HORMAD2: variants seen among roughly 807,000 people sequenced by gnomAD.
The protein encoded by HORMAD2 is HORMA domain-containing protein 2.
A neutral mutation model predicts 38.8 loss-of-function variants in HORMAD2; 45 were observed. The observed-to-expected ratio is 1.16, with a 90% CI of 0.91 to 1.49. The LOEUF (loss-of-function observed/expected upper bound fraction) is 1.49. Ranked by LOEUF, HORMAD2 falls within the 40% of genes most tolerant of loss-of-function variation. HORMAD2 has a pLI of 0.00. For synonymous variants in HORMAD2, 126 were observed against 122.8 expected, an observed-to-expected ratio of 1.03 and a Z score of -0.17; for missense variants, 338 against 367.0, an observed-to-expected ratio of 0.92 and a Z score of 0.65.
At chr22:30,197,833 G>C in the HORMAD2 span, among the ~76,000 whole-genome samples, 4 of 152,124 alleles carry the variant, frequency 2.6e-5, no homozygotes, top group South Asian at 8.3e-4. Flanking sequence ...GTCTAAGGTT[G>C]AATTCCCATC....
At chr22:30,178,275 T>C (rs548375075), downstream of HORMAD2, among the ~76,000 whole-genome samples, 1 of 152,356 alleles carries the variant, frequency 6.6e-6, no homozygotes, top group South Asian at 2.1e-4. Flanking sequence ...TGAATCTATC[T>C]AGAAAATTTC....
At chr22:30,206,162 T>A in the HORMAD2 span, among the ~76,000 whole-genome samples, 7 of 149,248 alleles carry the variant, frequency 4.7e-5, no homozygotes, top group Non-Finnish European at 7.4e-5. Context: ...ACCCAGAGAG[T>A]TTTTTGTTTT....
intron 10 of HORMAD2, among the ~76,000 whole-genome samples, chr22:30,166,478 A>G (rs909315771): frequency 2.0e-5 from 3 of 152,242 alleles, no homozygotes; most frequent in Non-Finnish European, 4.4e-5. Context: ...AAATGGCCAC[A>G]TGTAGCTAAT....
At chr22:30,081,265 A>G (rs2146044860) in intron 1 of HORMAD2, 1 of 152,336 alleles carries the variant, frequency 6.6e-6, no homozygotes, top group Non-Finnish European at 1.5e-5. Context: ...TGAGGTAGGA[A>G]CAGTATTTTA....
intron 10 of HORMAD2, among the ~76,000 whole-genome samples, chr22:30,155,627 C>T (rs964376922): frequency 1.2e-4 from 18 of 151,870 alleles, no homozygotes; most frequent in Admixed American, 2.0e-4. Flanking sequence ...TCTCAGTGGA[C>T]AGAACTAGAG....
the HORMAD2 span, among the ~76,000 whole-genome samples, chr22:30,202,088 G>T: frequency 6.6e-6 from 1 of 152,124 alleles, no homozygotes; most frequent in Non-Finnish European, 1.5e-5. Flanking sequence ...ATTTACTAAG[G>T]GCAGTGAACT....
chr22:30,200,249 A>T, the HORMAD2 span, among the ~76,000 whole-genome samples: 3 of 152,148 alleles, frequency 2.0e-5, no homozygotes, highest in African/African-American at 7.2e-5. Context: ...AAAATCAGTG[A>T]ATCTCACTGG....
At chr22:30,148,030 A>G (rs543696687) in intron 10 of HORMAD2, among the ~76,000 whole-genome samples, 2 of 152,346 alleles carry the variant, frequency 1.3e-5, no homozygotes, top group African/African-American at 4.8e-5. Context: ...TCACAAAAAG[A>G]CCTGTACATT....
At chr22:30,088,276 CAT>C (rs911707560) in intron 1 of HORMAD2, among the ~76,000 whole-genome samples, 6 of 150,254 alleles carry the variant, frequency 4.0e-5, no homozygotes, top group Admixed American at 6.7e-5. Context: ...TATATACACA[CAT>C]ATATACATAC....
the HORMAD2 span, among the ~76,000 whole-genome samples, chr22:30,182,368 G>A: frequency 6.6e-6 from 1 of 152,190 alleles, no homozygotes; most frequent in Non-Finnish European, 1.5e-5. Context: ...CACTTCTACA[G>A]CTTTTTACGT....
At chr22:30,194,408 G>A in the HORMAD2 span, among the ~76,000 whole-genome samples, 1 of 152,220 alleles carries the variant, frequency 6.6e-6, no homozygotes, top group Non-Finnish European at 1.5e-5. Context: ...AATTGAAGAA[G>A]AGGAATGAAA....
intron 1 of HORMAD2, among the ~76,000 whole-genome samples, chr22:30,088,917 AG>A (rs2068632375): frequency 6.6e-6 from 1 of 152,044 alleles, no homozygotes; most frequent in African/African-American, 2.4e-5. Context: ...TTGAAATTTA[AG>A]GGGGACAACT....
At chr22:30,161,376 C>T (rs140866210) in intron 10 of HORMAD2, among the ~76,000 whole-genome samples, 2 of 152,318 alleles carry the variant, frequency 1.3e-5, no homozygotes, top group Admixed American at 6.5e-5. Context: ...CAGGGTATTG[C>T]ATTTCCAATT....
intron 10 of HORMAD2, among the ~76,000 whole-genome samples, chr22:30,175,306 T>TATATA (rs1015430977): frequency 2.2e-5 from 3 of 134,816 alleles, no homozygotes; most frequent in African/African-American, 8.5e-5. Context: ...TATAATAATA[T>TATATA]ATATAATATA....
chr22:30,116,850 T>C (rs1169064496), intron 7 of HORMAD2, among the ~76,000 whole-genome samples: 2 of 152,040 alleles, frequency 1.3e-5, no homozygotes, highest in Non-Finnish European at 2.9e-5. Flanking sequence ...AAAGCTAGAG[T>C]TGATTGAGAA....
At chr22:30,168,532 C>T (rs61049730) in intron 10 of HORMAD2, among the ~76,000 whole-genome samples, 2 of 152,124 alleles carry the variant, frequency 1.3e-5, no homozygotes, top group Admixed American at 1.3e-4. Flanking sequence ...TTCATCCATC[C>T]TCCCTACCAT....
At chr22:30,199,697 G>A in the HORMAD2 span, among the ~76,000 whole-genome samples, 10 of 145,626 alleles carry the variant, frequency 6.9e-5, no homozygotes, top group South Asian at 2.2e-3. Context: ...TCAGGATTTT[G>A]TTATTTTCTC....
intron 10 of HORMAD2, among the ~76,000 whole-genome samples, chr22:30,133,117 T>C (rs1275096794): frequency 1.3e-5 from 2 of 152,170 alleles, no homozygotes; most frequent in South Asian, 2.1e-4. Context: ...AGTGACTTCA[T>C]TGAGATTTTA....
chr22:30,179,064 T>A (rs971998169), downstream of HORMAD2, among the ~76,000 whole-genome samples: 1 of 152,222 alleles, frequency 6.6e-6, no homozygotes, highest in Non-Finnish European at 1.5e-5. Flanking sequence ...CAGAGTTGTG[T>A]GTGTGTTCTT....
Sources: allele counts gnomAD v4.1 joint callset (sites outside exome capture counted in the v4.1 genomes callset), GRCh38; gene constraint gnomAD v4.1.1; transcripts MANE v1.5; gene names NCBI Gene and HGNC (gene_info 2026-07-23, HGNC 2026-07-21).